Variants in CADPS observed in about 807,000 individuals in gnomAD.
The protein encoded by CADPS is calcium dependent secretion activator, also known as calcium-dependent secretion activator 1.
In CADPS, 57 loss-of-function variants were observed where a neutral mutation model predicts 167.3. The observed-to-expected ratio is 0.34, with a 90% confidence interval of 0.28 to 0.42. The LOEUF is 0.42. Ranked by LOEUF, CADPS falls within the 20% of genes least tolerant of loss-of-function variation. The pLI, the probability that CADPS is intolerant of heterozygous loss-of-function variation, is 1.00. For synonymous variants in CADPS, 676 were observed against 635.3 expected, an observed-to-expected ratio of 1.06 and a Z score of -0.96; for missense variants, 1,414 against 1,738.1, an observed-to-expected ratio of 0.81 and a Z score of 3.32.
At chr3:62,863,081 T>C (rs1283437737) in intron 1 of CADPS, among the ~76,000 whole-genome samples, 3 of 152,248 alleles carry the variant, frequency 2.0e-5, no homozygotes, top group African/African-American at 7.2e-5. Context: ...CACCTATTTA[T>C]TGAACACCTA....
rs564728687 is a variant in CADPS at position 62,415,098 on chromosome 3, C to A, written c.3778-11913G>T. Among the ~76,000 whole-genome samples the A allele has an allele frequency of 2.0e-5, 3 of 152,072 alleles. No individual in the cohort carries two copies. The South Asian group carries it at 6.2e-4, about 32-fold the overall frequency. ...CTTTTCTTTCTCTGCCCACCCTCCC[C>A]GCCCCATACTTCTTTCCCTCTTTCT... is the stretch of plus-strand genomic sequence containing the variant. On this transcript the variant is annotated intron_variant, in intron 28 of 29. Coordinates refer to ENST00000383710, the MANE Select transcript of CADPS (RefSeq NM_003716.4).
In CADPS at chr3:62,626,362, C is replaced by G. The variant is rs150677217; in HGVS notation, c.1325+19360G>C. 568 of 491,210 alleles carry G rather than the reference C, an allele frequency of 1.2e-3. 37 individuals are homozygous for G. In the African/African-American group the frequency reaches 0.012, roughly 11 times the overall value. The allele number at this position is 491,210 out of a possible 1,614,324, so 30.4% of individuals were successfully genotyped here. On this transcript the variant is annotated intron_variant, in intron 6 of 29. Coordinates refer to ENST00000383710, the MANE Select transcript of CADPS (RefSeq NM_003716.4). ...ACGGATTTACTAAACAGAAAAGAAA[C>G]CATGGAATGCTCTAGGAAAAACACC...
chr3:62,704,801 T>C lies in CADPS; in HGVS notation c.889-42407A>G, dbSNP rs576586061. Among the ~76,000 whole-genome samples, 6 of 152,308 alleles carry C rather than the reference T, an allele frequency of 3.9e-5. No homozygotes were observed. The South Asian group carries it at 1.2e-3, about 32-fold the overall frequency. The stretch of plus-strand genomic sequence containing the variant: ...TCAAACAGCACCTGATAATTTCTGC[T>C]TTTTCAGAATTCGTAGGCATTGTGT... On this transcript the variant is annotated intron_variant, in intron 3 of 29. Coordinates refer to ENST00000383710, the MANE Select transcript of CADPS (RefSeq NM_003716.4).
At chr3:62,402,755 A>G (rs1010360380) in intron 29 of CADPS, among the ~76,000 whole-genome samples, 9 of 152,228 alleles carry the variant, frequency 5.9e-5, no homozygotes, top group African/African-American at 1.9e-4. Flanking sequence ...TTGGTAATGG[A>G]TGTGATTAAC....
intron 3 of CADPS, among the ~76,000 whole-genome samples, chr3:62,707,142 T>A (rs2082458361): frequency 6.6e-6 from 1 of 152,082 alleles, no homozygotes. Context: ...GCTGCAGCAG[T>A]GACTGAGCAT....
At chr3:62,844,617 T>C (rs2077117152) in intron 1 of CADPS, among the ~76,000 whole-genome samples, 1 of 152,118 alleles carries the variant, frequency 6.6e-6, no homozygotes, top group South Asian at 2.1e-4. Context: ...TAAGCGTAGG[T>C]ATCGGGGTCT....
rs181088781 is a variant in CADPS, at chr3:62,594,625, C to T, written c.1326-1877G>A. Among the ~76,000 whole-genome samples, 343 of 152,212 alleles carry T rather than the reference C, an allele frequency of 2.3e-3. 3 individuals are homozygous for T. Among genetic ancestry groups the T allele is most frequent in the African/African-American group, 7.7e-3 (320 of 41,540 alleles). On this transcript the variant is annotated intron_variant, in intron 6 of 29. Transcript: ENST00000383710. ...GTTGTCCAAGCTGGTCTCAAACTCCCGGGCTCAAGCAATCCTTCCACCTCA... is the reference window on the plus strand; with the variant it reads ...GTTGTCCAAGCTGGTCTCAAACTCCTGGGCTCAAGCAATCCTTCCACCTCA...
rs1559563610 is a variant in CADPS at position 62,775,873 on chromosome 3, A to G, written c.442-9889T>C. 5.9e-5 allele frequency among the ~76,000 whole-genome samples: 9 copies of G among 152,160 alleles called. No homozygotes were observed. In the South Asian group the frequency reaches 1.9e-3, roughly 32 times the overall value. ...TAAAATTAACACTTTCTATGGTTTC[A>G]TCAAGGAAAGTATTCCGTGAAGTTG... On this transcript the variant is annotated intron_variant, in intron 1 of 29. Coordinates refer to ENST00000383710, the MANE Select transcript of CADPS (RefSeq NM_003716.4).
intron 24 of CADPS, among the ~76,000 whole-genome samples, chr3:62,472,233 G>A (rs1271070286): frequency 6.6e-6 from 1 of 151,666 alleles, no homozygotes; most frequent in African/African-American, 2.4e-5. Flanking sequence ...TGGGTACTCA[G>A]TTTTTCAGGT....
At chr3:62,443,361 TG>T (rs2056678614) in intron 27 of CADPS, among the ~76,000 whole-genome samples, 1 of 152,226 alleles carries the variant, frequency 6.6e-6, no homozygotes, top group Non-Finnish European at 1.5e-5. Flanking sequence ...GTATAATCAG[TG>T]GTAAATGTAC....
chr3:62,474,011 G>T, intron 24 of CADPS, 162 bp downstream of exon 24: 1 of 530,892 alleles, frequency 1.9e-6, no homozygotes, highest in Non-Finnish European at 3.2e-6. Flanking sequence ...AAATCTACTT[G>T]ACAAACAGAT....
intron 6 of CADPS, among the ~76,000 whole-genome samples, chr3:62,615,291 A>G (rs1009519841): frequency 3.3e-5 from 5 of 152,182 alleles, no homozygotes; most frequent in Admixed American, 2.6e-4. Context: ...GTAGCCATCA[A>G]TGGGCACATT....
chr3:62,501,480 C>T (rs958463422), intron 17 of CADPS, among the ~76,000 whole-genome samples: 2 of 152,136 alleles, frequency 1.3e-5, no homozygotes, highest in African/African-American at 4.8e-5. Flanking sequence ...GCAAATTCCT[C>T]ATCCTATGCT....
At chr3:62,423,516 T>A (rs758879307) in intron 28 of CADPS, among the ~76,000 whole-genome samples, 2 of 152,228 alleles carry the variant, frequency 1.3e-5, no homozygotes, top group Admixed American at 6.5e-5. Context: ...AGGAAGCACA[T>A]ATTTGAATAG....
chr3:62,665,663 C>T (rs184298630), intron 3 of CADPS, among the ~76,000 whole-genome samples: 76 of 152,284 alleles, frequency 5.0e-4, no homozygotes, highest in African/African-American at 1.7e-3. Context: ...AATGTCAACC[C>T]TCTGTCACTT....
chr3:62,504,877 C>T (rs1220227956), intron 17 of CADPS, among the ~76,000 whole-genome samples: 1 of 152,098 alleles, frequency 6.6e-6, no homozygotes, highest in African/African-American at 2.4e-5. Context: ...TCCAATTAGC[C>T]CTTAAATAAC....
intron 4 of CADPS, among the ~76,000 whole-genome samples, chr3:62,654,247 G>A (rs2070967705): frequency 6.6e-6 from 1 of 152,160 alleles, no homozygotes; most frequent in African/African-American, 2.4e-5. Context: ...GCACTAGGGG[G>A]ATCATGTTGA....
chr3:62,756,971 G>T (rs1404678723), intron 2 of CADPS, among the ~76,000 whole-genome samples: 2 of 152,128 alleles, frequency 1.3e-5, no homozygotes, highest in Non-Finnish European at 2.9e-5. Context: ...GAAAGCCATT[G>T]AAAGTTTTAA....
chr3:62,467,260 T>C (rs1020656753), intron 24 of CADPS: 15 of 1,149,036 alleles, frequency 1.3e-5, no homozygotes, highest in African/African-American at 1.6e-5. Flanking sequence ...AAAATAACAA[T>C]GCAAGACATT....
Sources: gnomAD v4.1 joint callset for allele counts (sites outside exome capture counted in the v4.1 genomes callset) on GRCh38, gnomAD v4.1.1 for gene constraint, MANE v1.5 for transcripts, NCBI Gene and HGNC (gene_info 2026-07-23, HGNC 2026-07-21) for gene names.